SCN4A: variants seen among roughly 807,000 people sequenced by gnomAD.
SCN4A encodes sodium voltage-gated channel alpha subunit 4.
A neutral mutation model predicts 162.0 loss-of-function variants in SCN4A; 83 were observed. The ratio of observed to expected loss-of-function variants is 0.51; its 90% CI spans 0.43 to 0.61. The LOEUF is 0.61. SCN4A is among the 20% of genes least tolerant of loss of function. SCN4A has a pLI of 0.00. For synonymous variants in SCN4A, 944 were observed against 985.1 expected (o/e 0.96, Z 0.78); for missense variants, 2,196 against 2,462.5 (o/e 0.89, Z 2.29).
rs781028684 is a variant in SCN4A at position 63,948,736 on chromosome 17, C to G, written c.3019G>C (p.Val1007Leu). ...TTCCCACGGCCCTGGGAGATGTCCA[C>G]GTAGAGGCAGGGCCAGCGCTGCACG... ...ACVQRWPCLY[V>L]DISQGRGKKW... The change falls in exon 16 of 24, where the codon GTG becomes CTG. Residue 1007 changes from valine (V) to leucine (L), a missense_variant. Transcript: ENST00000435607. The G allele has an allele frequency of 6.2e-7, 1 of 1,612,552 alleles. No homozygotes were observed. The highest frequency in any genetic ancestry group is 1.7e-5 in the Admixed American group (1 of 59,984).
rs371779795 is a variant in SCN4A, at chr17:63,948,697, G to C, written c.3058C>G (p.Leu1020Val). The C allele has an allele frequency of 1.7e-5, 28 of 1,613,680 alleles. No individual in the cohort carries two copies. The East Asian group carries it at 3.6e-4, about 21-fold the overall frequency. The change falls in exon 16 of 24, where the codon CTG becomes GTG. Residue 1020 changes from leucine to valine, a missense_variant. Physicochemically the swap from Leu to Val is conservative, Grantham distance 32. Coordinates refer to ENST00000435607, the MANE Select transcript of SCN4A (RefSeq NM_000334.4). ...ACAATCTTGAAGCAGGCCCTGCGCAGAGTCCACCACTTCTTCCCACGGCCC... is the reference window on the plus strand; with the variant it reads ...ACAATCTTGAAGCAGGCCCTGCGCACAGTCCACCACTTCTTCCCACGGCCC... Reference protein sequence around the residue: ...SQGRGKKWWTLRRACFKIVEH... With the variant: ...SQGRGKKWWTVRRACFKIVEH...
rs547109132 is a variant in SCN4A at position 63,945,117 on chromosome 17, A to G, written c.3721-57T>C. 6.4e-7 allele frequency: 1 copy of G among 1,569,928 alleles called. No homozygotes were observed. The highest frequency in any genetic ancestry group is 1.7e-5 in the Admixed American group (1 of 59,092). On this transcript the variant is annotated intron_variant, in intron 19 of 23. Transcript: ENST00000435607. The surrounding 1 kb of genome is among the most constrained non-coding windows in gnomAD (Gnocchi z 4.4). The stretch of plus-strand genomic sequence containing the variant: ...GGGCTGCTCCCTGCTTTCATCATCC[A>G]TGAGTTTCCCTCCCCCACCCAACCT...
chr17:63,961,666 C>T (rs559519225), intron 10 of SCN4A: 3 of 513,874 alleles, frequency 5.8e-6, no homozygotes, highest in Non-Finnish European at 1.1e-5. Context: ...TGAGCGCGGC[C>T]GGCTCCAAGC....
chr17:63,948,174 C>G, intron 16 of SCN4A, 111 bp from the exon 17 acceptor site: 1 of 811,244 alleles, frequency 1.2e-6, no homozygotes, highest in Non-Finnish European at 1.9e-6. Context: ...CGTGGGGGCC[C>G]AGCCCAAGGG....
intron 15 of SCN4A, among the ~76,000 whole-genome samples, 182 bp from the exon 16 acceptor site, chr17:63,948,947 C>T (rs1182890287): frequency 6.6e-6 from 1 of 152,194 alleles, no homozygotes; most frequent in East Asian, 1.9e-4. Context: ...CAGGACCTCC[C>T]TTCACAGCTG....
Position 63,940,902 on chromosome 17 carries a change from C to T in SCN4A, c.5380G>A (p.Glu1794Lys). 1.9e-6 allele frequency: 3 copies of T among 1,613,980 alleles called. No individual in the cohort carries two copies. Among genetic ancestry groups the T allele is most frequent in the Non-Finnish European group, 2.5e-6 (3 of 1,179,886 alleles). Residue 1794 changes from glutamate (E) to lysine (K), a missense_variant, in exon 24 of 24, where the codon GAG becomes AAG. Glu to Lys is a moderately conservative substitution (Grantham distance 56, BLOSUM62 1). Transcript: ENST00000435607. ...NGNSSSPSPEEKGEAGDAGPT... is the reference protein window; with the variant it reads ...NGNSSSPSPEKKGEAGDAGPT... ...CCGGCGTCCCCTGCCTCGCCCTTCTCCTCCGGGCTTGGCGAGCTGCTGTTC... is the reference window on the plus strand; with the variant it reads ...CCGGCGTCCCCTGCCTCGCCCTTCTTCTCCGGGCTTGGCGAGCTGCTGTTC...
chr17:63,971,304 G>A lies in SCN4A; in HGVS notation c.612-51C>T, dbSNP rs960276265. 4 of 1,004,476 alleles carry A rather than the reference G, an allele frequency of 4.0e-6. No homozygotes were observed. The African/African-American group carries it at 4.8e-5, about 12-fold the overall frequency. 62.2% of individuals were successfully genotyped at this position (1,004,476 alleles called of 1,614,324 possible). On this transcript the variant is annotated intron_variant, in intron 4 of 23. Coordinates refer to ENST00000435607, the MANE Select transcript of SCN4A (RefSeq NM_000334.4). The stretch of plus-strand genomic sequence containing the variant: ...GGACTGTCAGAGCCTGGGGTGGGTG[G>A]TAGGACAGAAATCAGGGCTCCTCCA...
At position 63,945,564 on chromosome 17, in the gene SCN4A, C is replaced by G; in HGVS notation, c.3516G>C (p.Leu1172=). 6.2e-7 allele frequency: 1 copy of G among 1,614,004 alleles called. No homozygotes were observed. Among genetic ancestry groups the G allele is most frequent in the Non-Finnish European group, 8.5e-7 (1 of 1,179,912 alleles). The stretch of plus-strand genomic sequence containing the variant: ...GGTTGACACCCATGATGCTGAAGAT[C>G]AGCCAGAAGATGAGGCAGACAAGCA... ...NVLLVCLIFW[L]IFSIMGVNLF... The change falls in exon 19 of 24, where the codon CTG becomes CTC. Residue 1172 remains leucine (L), a synonymous_variant. Transcript: ENST00000435607. The surrounding 1 kb of genome is among the most constrained non-coding windows in gnomAD (Gnocchi z 4.4).
At chr17:63,943,875 G>A in intron 21 of SCN4A, 25 bp from the exon 22 acceptor site, 2 of 1,491,672 alleles carry the variant, frequency 1.3e-6, no homozygotes, top group South Asian at 1.1e-5. Context: ...GGCTTGTCAG[G>A]TTGAGGTGCA....
Position 63,950,654 on chromosome 17 carries a change from G to T in SCN4A, c.2853+770C>A, listed in dbSNP as rs114734887. 0.03 allele frequency among the ~76,000 whole-genome samples: 4,537 copies of T among 152,320 alleles called. 101 individuals carry two copies. The highest frequency in any genetic ancestry group is 0.058 in the Middle Eastern group (17 of 294). On this transcript the variant is annotated intron_variant, in intron 14 of 23. Coordinates refer to ENST00000435607, the MANE Select transcript of SCN4A (RefSeq NM_000334.4). The surrounding 1 kb of genome is among the most constrained non-coding windows in gnomAD (Gnocchi z 4.6). ...GGCTGATGGTGCAGGGGTGGGCAGGGGCCCTCGTCCTAGCTCCTGTATGAG... is the reference window on the plus strand; with the variant it reads ...GGCTGATGGTGCAGGGGTGGGCAGGTGCCCTCGTCCTAGCTCCTGTATGAG...
Position 63,966,257 on chromosome 17 carries a change from A to G in SCN4A, c.1101-14T>C. ...TCAGGGCAGTGCCTAGGAATAGGAC[A>G]GGGGGCTGGGTTTAGGGTGGGAGGA... On this transcript the variant is annotated splice_polypyrimidine_tract_variant and intron_variant, in intron 7 of 23. Coordinates refer to ENST00000435607, the MANE Select transcript of SCN4A (RefSeq NM_000334.4). 6.5e-7 allele frequency: 1 copy of G among 1,535,772 alleles called. No homozygotes were observed. Among genetic ancestry groups the G allele is most frequent in the Non-Finnish European group, 8.9e-7 (1 of 1,125,688 alleles).
At chr17:63,942,018 G>C in intron 23 of SCN4A, 25 bp from the exon 24 acceptor site, 1 of 1,534,498 alleles carries the variant, frequency 6.5e-7, no homozygotes, top group South Asian at 1.3e-5. Context: ...TAGTGAGGAC[G>C]CTGCCACTGG....
In SCN4A at chr17:63,957,529, G is replaced by A; in HGVS notation, c.2020-11C>T. 4.4e-6 allele frequency: 7 copies of A among 1,595,628 alleles called. No individual in the cohort carries two copies. The highest frequency in any genetic ancestry group is 6.0e-6 in the Non-Finnish European group (7 of 1,166,260). On this transcript the variant is annotated splice_polypyrimidine_tract_variant and intron_variant, in intron 12 of 23. Coordinates refer to ENST00000435607, the MANE Select transcript of SCN4A (RefSeq NM_000334.4). ...CTTGAAGACCCGCAGCTGCCAAGCA[G>A]GGAGGGCAAGGGTGAATGAGGCCCA...
chr17:63,949,892 GA>G (rs1488852079), intron 14 of SCN4A, among the ~76,000 whole-genome samples: 1 of 152,050 alleles, frequency 6.6e-6, no homozygotes, highest in Non-Finnish European at 1.5e-5. Context: ...GCAGGGGTAT[GA>G]AAAGGGGTCA....
intron 13 of SCN4A, among the ~76,000 whole-genome samples, chr17:63,952,517 C>T (rs940031339): frequency 4.6e-5 from 7 of 152,168 alleles, no homozygotes; most frequent in South Asian, 4.1e-4. Flanking sequence ...GGGCTCAAGT[C>T]GCCGAGCTTC....
At chr17:63,957,886 T>C (rs1462103683) in intron 12 of SCN4A, among the ~76,000 whole-genome samples, 1 of 151,204 alleles carries the variant, frequency 6.6e-6, no homozygotes, top group African/African-American at 2.4e-5. Flanking sequence ...GTGCCTGTAA[T>C]CTCAGTTACT....
intron 23 of SCN4A, 149 bp from the exon 24 acceptor site, chr17:63,942,142 T>C (rs1400238869): frequency 2.6e-6 from 2 of 772,642 alleles, no homozygotes; most frequent in Non-Finnish European, 4.0e-6. Context: ...GAGGCTGGGC[T>C]CTCCCACGGG....
At position 63,961,242 on chromosome 17, in the gene SCN4A, T is replaced by C. The variant is rs187401185; in HGVS notation, c.1796A>G (p.His599Arg). ...GTCAAAGTGCTCCGTCATGGGGTAA[T>C]GTTCCATGGCCATGAAGAGGGTGTT... The part of the protein sequence containing the change: ...VLNTLFMAME[H>R]YPMTEHFDNV... Residue 599 changes from histidine (H) to arginine (R), a missense_variant, in exon 11 of 24, where the codon CAT becomes CGT. Physicochemically the swap from His to Arg is conservative, Grantham distance 29. Transcript: ENST00000435607. The C allele has an allele frequency of 4.1e-3, 6,148 of 1,490,124 alleles. 25 individuals are homozygous for C. The highest frequency in any genetic ancestry group is 5.0e-3 in the Non-Finnish European group (5,539 of 1,106,256). 92.3% of individuals were successfully genotyped at this position (1,490,124 alleles called of 1,614,324 possible). A position where few individuals can be genotyped will look rare whatever the true frequency, so the allele number is the denominator to read the frequency against.
rs1315561564 is a variant in SCN4A at position 63,964,450 on chromosome 17, C to T, written c.1452+18G>A. The T allele has an allele frequency of 6.2e-7, 1 of 1,612,496 alleles. No homozygotes were observed. Among genetic ancestry groups the T allele is most frequent in the Non-Finnish European group, 8.5e-7 (1 of 1,178,702 alleles). ...GGTAGAACCCTGGGTCCTCTATCTC[C>T]TTTCCCTGAGTCCAGACCTTCTCCA... On this transcript the variant is annotated intron_variant, in intron 9 of 23. Transcript: ENST00000435607.
Sources: allele counts gnomAD v4.1 joint callset (sites outside exome capture counted in the v4.1 genomes callset), GRCh38; gene constraint gnomAD v4.1.1; non-coding constraint Gnocchi (gnomAD v3.1); transcripts MANE v1.5; gene names NCBI Gene and HGNC (gene_info 2026-07-23, HGNC 2026-07-21).